MRPS11: variants seen among roughly 807,000 people sequenced by gnomAD.
MRPS11 encodes the protein mitochondrial ribosomal protein S11.
A neutral mutation model predicts 24.3 loss-of-function variants in MRPS11; 27 were observed. The observed-to-expected ratio is 1.11, with a 90% CI of 0.82 to 1.53. MRPS11 has a LOEUF of 1.53. MRPS11 is among the 40% of genes most tolerant of loss of function. MRPS11 has a pLI of 0.00. For missense variants in MRPS11, 277 were observed against 256.5 expected (o/e 1.08, Z -0.55); for synonymous variants, 104 against 98.7 (o/e 1.05, Z -0.32).
chr15:88,472,413 A>G lies in MRPS11; in HGVS notation c.183-214A>G. On this transcript the variant is annotated intron_variant, in intron 2 of 5. Coordinates refer to ENST00000325844, the MANE Select transcript of MRPS11 (RefSeq NM_022839.5). ...CCTTCTCATAGCGGAAAGTCCCCAG[A>G]TGTGTCTGAAGTCAGCAAGTCAAGA... The G allele has an allele frequency of 8.0e-6, 4 of 498,076 alleles. No homozygotes were observed. The South Asian group carries it at 9.2e-5, about 12-fold the overall frequency. 30.9% of individuals were successfully genotyped at this position (498,076 alleles called of 1,614,324 possible).
rs2055911450 is a variant in MRPS11 at position 88,480,606 on chromosome 15, CA to C, written c.*2629del. On this transcript the variant is annotated 3_prime_UTR_variant, in exon 6 of 6. Transcript: ENST00000325844. The surrounding 1 kb of genome is among the most constrained non-coding windows in gnomAD (Gnocchi z 5.1). ...GACAGGACAGAGGACCCTTAAGGAT[CA>C]ATGGTCTTGTTGCCGGAAATGGATG... 6.6e-6 allele frequency: 1 copy of C among 152,194 alleles called. No homozygotes were observed. Among genetic ancestry groups the C allele is most frequent in the Admixed American group, 6.5e-5 (1 of 15,278 alleles). 9.4% of individuals were successfully genotyped at this position (152,194 alleles called of 1,614,324 possible). A position where few individuals can be genotyped will look rare whatever the true frequency, so the allele number is the denominator to read the frequency against.
chr15:88,469,996 G>A lies in MRPS11; in HGVS notation c.182+1972G>A, dbSNP rs1043891939. ...GTTGAGATTCTTAATAAACATTCAA[G>A]TGGAGACACAATGTAGACCATTAGA... On this transcript the variant is annotated intron_variant, in intron 2 of 5. Coordinates refer to ENST00000325844, the MANE Select transcript of MRPS11 (RefSeq NM_022839.5). The surrounding 1 kb of genome is among the most constrained non-coding windows in gnomAD (Gnocchi z 4.4). Among the ~76,000 whole-genome samples, 2 of 152,172 alleles carry A rather than the reference G, an allele frequency of 1.3e-5. No individual in the cohort carries two copies. The highest frequency in any genetic ancestry group is 2.4e-5 in the African/African-American group (1 of 41,438).
rs528369454 is a variant in MRPS11 at position 88,476,454 on chromosome 15, A to G, written c.412-535A>G. Among the ~76,000 whole-genome samples the G allele has an allele frequency of 5.9e-5, 9 of 152,354 alleles. No homozygotes were observed. In the South Asian group the frequency reaches 1.7e-3, roughly 28 times the overall value. On this transcript the variant is annotated intron_variant, in intron 4 of 5. Transcript: ENST00000325844. The stretch of plus-strand genomic sequence containing the variant: ...CTATCATCAGAAATCAAAATGCTGT[A>G]AATGCCCAACCATGGACAGATCATA...
intron 2 of MRPS11, chr15:88,468,498 A>C: frequency 1.0e-6 from 1 of 993,176 alleles, no homozygotes; most frequent in Non-Finnish European, 1.2e-6. Context: ...TGCTGTATAC[A>C]CATCCACTTA....
In MRPS11 at chr15:88,478,060, TC is replaced by T; in HGVS notation, c.*83del. 1 of 1,125,102 alleles carries T rather than the reference TC, an allele frequency of 8.9e-7. No individual in the cohort carries two copies. The highest frequency in any genetic ancestry group is 1.3e-6 in the Non-Finnish European group (1 of 743,598). The allele number at this position is 1,125,102 out of a possible 1,614,324, so 69.7% of individuals were successfully genotyped here. On this transcript the variant is annotated 3_prime_UTR_variant, in exon 6 of 6. Transcript: ENST00000325844. This position sits in a 1 kb window ranked among gnomAD's most constrained non-coding sequence, Gnocchi z 4.7. Reference sequence around the variant, plus strand: ...TGTAAAATGCTCCCTGTCAGAGCTCTCCAGAATATGCTTGTTGGAGATCCTT... The same window carrying T: ...TGTAAAATGCTCCCTGTCAGAGCTCTCAGAATATGCTTGTTGGAGATCCTT...
At chr15:88,476,080 G>A (rs933630920) in intron 4 of MRPS11, among the ~76,000 whole-genome samples, 1 of 151,188 alleles carries the variant, frequency 6.6e-6, no homozygotes, top group Non-Finnish European at 1.5e-5. Context: ...GTGAACTGTC[G>A]TAGACCTTTT....
Position 88,468,196 on chromosome 15 carries a change from G to A in MRPS11, c.182+172G>A, listed in dbSNP as rs2055595641. The A allele has an allele frequency of 7.6e-6, 11 of 1,439,988 alleles. No homozygotes were observed. In the South Asian group the frequency reaches 1.6e-4, roughly 21 times the overall value. 89.2% of individuals were successfully genotyped at this position (1,439,988 alleles called of 1,614,324 possible). ...CATCTAAAAATGCGGATAATGCTGA[G>A]AGAGGTTGTGAGAATCAGATGAGCC... On this transcript the variant is annotated intron_variant, in intron 2 of 5. Transcript: ENST00000325844.
chr15:88,476,025 A>T (rs2055815622), intron 4 of MRPS11, among the ~76,000 whole-genome samples: 1 of 152,182 alleles, frequency 6.6e-6, no homozygotes. Flanking sequence ...TTTGGAGAGG[A>T]CATAGTATCG....
intron 2 of MRPS11, among the ~76,000 whole-genome samples, chr15:88,471,142 G>A (rs2055692400): frequency 6.6e-6 from 1 of 152,192 alleles, no homozygotes. Flanking sequence ...CAGCAATGAG[G>A]AAGCAGGGAG....
chr15:88,475,055 CTCTT>C lies in MRPS11; in HGVS notation c.282-54_282-51del. ...GCTTCTAGGGGCATAGATTAGCTCT[CTCTT>C]ATTTCCCTGAAGAAGAGTTGTATCC... On this transcript the variant is annotated intron_variant, in intron 3 of 5. Coordinates refer to ENST00000325844, the MANE Select transcript of MRPS11 (RefSeq NM_022839.5). The surrounding 1 kb of genome is among the most constrained non-coding windows in gnomAD (Gnocchi z 4.1). 3 of 1,602,612 alleles carry C rather than the reference CTCTT, an allele frequency of 1.9e-6. No individual in the cohort carries two copies. Among genetic ancestry groups the C allele is most frequent in the Non-Finnish European group, 2.6e-6 (3 of 1,173,090 alleles).
In MRPS11 at chr15:88,468,272, G is replaced by T. The variant is rs982418410; in HGVS notation, c.182+248G>T. The T allele has an allele frequency of 6.0e-6, 8 of 1,326,836 alleles. No individual in the cohort carries two copies. The African/African-American group carries it at 8.9e-5, about 15-fold the overall frequency. 82.2% of individuals were successfully genotyped at this position (1,326,836 alleles called of 1,614,324 possible). On this transcript the variant is annotated intron_variant, in intron 2 of 5. Coordinates refer to ENST00000325844, the MANE Select transcript of MRPS11 (RefSeq NM_022839.5). ...ACATTCGTTAAATCAATGAGTGAAT[G>T]TGAGATATCCATAACATGTATCAGC...
intron 2 of MRPS11, among the ~76,000 whole-genome samples, chr15:88,470,242 G>T (rs1052604307): frequency 5.3e-5 from 8 of 152,162 alleles, no homozygotes; most frequent in Non-Finnish European, 1.0e-4. Context: ...TTGAACCCCG[G>T]AGACGGAGGT....
Position 88,472,718 on chromosome 15 carries a change from CACA to C in MRPS11, c.279_281del (p.Asn94del). The stretch of plus-strand genomic sequence containing the variant: ...CCCAATTGCACACATTAAAGCATCC[CACA>C]ACAAGTAAGTGGGAAGGGAAACACT... On this transcript the variant is annotated inframe_deletion, in exon 3 of 6. Transcript: ENST00000325844. 2 of 1,612,528 alleles carry C rather than the reference CACA, an allele frequency of 1.2e-6. No individual in the cohort carries two copies. Among genetic ancestry groups the C allele is most frequent in the Non-Finnish European group, 1.7e-6 (2 of 1,178,818 alleles).
Position 88,475,184 on chromosome 15 carries a change from A to G in MRPS11, c.356A>G (p.Asn119Ser), listed in dbSNP as rs544573681. The change falls in exon 4 of 6, where the codon AAT becomes AGT. Residue 119 changes from asparagine (N) to serine (S), a missense_variant. Physicochemically the swap from Asn to Ser is conservative, Grantham distance 46 (BLOSUM62 1). Coordinates refer to ENST00000325844, the MANE Select transcript of MRPS11 (RefSeq NM_022839.5). The surrounding 1 kb of genome is among the most constrained non-coding windows in gnomAD (Gnocchi z 4.1). ...TCCTGTGGCACAGAGGGATTTCGGA[A>G]TGCCAAGAAGGGCACAGGCATCGCA... Reference protein sequence around the residue: ...FASCGTEGFRNAKKGTGIAAQ... With the variant: ...FASCGTEGFRSAKKGTGIAAQ... The G allele has an allele frequency of 2.5e-6, 4 of 1,614,228 alleles. No individual in the cohort carries two copies. Among genetic ancestry groups the G allele is most frequent in the Admixed American group, 3.3e-5 (2 of 60,030 alleles).
chr15:88,469,171 G>T lies in MRPS11; in HGVS notation c.182+1147G>T, dbSNP rs952317917. The T allele has an allele frequency of 6.6e-6, 1 of 152,228 alleles. No homozygotes were observed. Among genetic ancestry groups the T allele is most frequent in the African/African-American group, 2.4e-5 (1 of 41,432 alleles). 9.4% of individuals were successfully genotyped at this position (152,228 alleles called of 1,614,324 possible). ...GTAACCATCTGTGTAAAGGCATGTG[G>T]TATGAAAAAACATGGTGTGTTCAGG... On this transcript the variant is annotated intron_variant, in intron 2 of 5. Transcript: ENST00000325844. The surrounding 1 kb of genome is among the most constrained non-coding windows in gnomAD (Gnocchi z 4.4).
intron 2 of MRPS11, among the ~76,000 whole-genome samples, chr15:88,470,131 A>G (rs1207594383): frequency 2.0e-5 from 3 of 152,190 alleles, no homozygotes; most frequent in Non-Finnish European, 2.9e-5. Flanking sequence ...CCTGACCAAC[A>G]TGGTGAAACC....
At chr15:88,468,663 C>A in intron 2 of MRPS11, 1 of 272,124 alleles carries the variant, frequency 3.7e-6, no homozygotes, top group Non-Finnish European at 5.6e-6. Context: ...TAACCATAAT[C>A]TGCTCAATAA....
intron 2 of MRPS11, among the ~76,000 whole-genome samples, chr15:88,470,642 C>G (rs1406520722): frequency 6.6e-6 from 1 of 152,112 alleles, no homozygotes; most frequent in Non-Finnish European, 1.5e-5. Flanking sequence ...TGATAGGTTG[C>G]TAGATCAATA....
rs1359585653 is a variant in MRPS11, at chr15:88,475,614, G to A, written c.411+375G>A. Among the ~76,000 whole-genome samples, 2 of 152,034 alleles carry A rather than the reference G, an allele frequency of 1.3e-5. No individual in the cohort carries two copies. Among genetic ancestry groups the A allele is most frequent in the Non-Finnish European group, 2.9e-5 (2 of 68,006 alleles). On this transcript the variant is annotated intron_variant, in intron 4 of 5. Transcript: ENST00000325844. The surrounding 1 kb of genome is among the most constrained non-coding windows in gnomAD (Gnocchi z 4.1). ...GAGCCCAAGAGTTTGAGGCTGCAGTGAACTATGATCTCACCACTGCACTAA... is the reference window on the plus strand; with the variant it reads ...GAGCCCAAGAGTTTGAGGCTGCAGTAAACTATGATCTCACCACTGCACTAA...
Sources: allele counts gnomAD v4.1 joint callset (sites outside exome capture counted in the v4.1 genomes callset), GRCh38; gene constraint gnomAD v4.1.1; non-coding constraint Gnocchi (gnomAD v3.1); transcripts MANE v1.5; gene names NCBI Gene and HGNC (gene_info 2026-07-23, HGNC 2026-07-21).